The following SLC8A1 variants were observed in gnomAD, a reference collection of about 807,000 sequenced individuals.
SLC8A1 encodes the protein sodium/calcium exchanger 1.
A neutral mutation model predicts 68.3 loss-of-function variants in SLC8A1; 18 were observed. The ratio of observed to expected loss-of-function variants is 0.26; its 90% CI spans 0.18 to 0.39. The LOEUF (loss-of-function observed/expected upper bound fraction) is 0.39. SLC8A1 is among the 10% of genes least tolerant of loss of function. SLC8A1 has a pLI of 1.00. For synonymous variants in SLC8A1, 475 were observed against 415.5 expected (o/e 1.14, Z -1.74); for missense variants, 985 against 1,156.7 (o/e 0.85, Z 2.15).
chr2:40,495,337 G>A (rs541573955), intron 1 of SLC8A1, among the ~76,000 whole-genome samples: 2 of 152,088 alleles, frequency 1.3e-5, no homozygotes, highest in South Asian at 4.1e-4. Flanking sequence ...ATCTCTCTAT[G>A]CCTGAAAGCA....
At chr2:40,417,115 C>T (rs1468993996) in intron 2 of SLC8A1, among the ~76,000 whole-genome samples, 1 of 152,132 alleles carries the variant, frequency 6.6e-6, no homozygotes, top group Non-Finnish European at 1.5e-5. Flanking sequence ...TCCTATCTCT[C>T]AGTCTTGTGA....
intron 2 of SLC8A1, among the ~76,000 whole-genome samples, chr2:40,314,822 C>A (rs1318700308): frequency 6.6e-6 from 1 of 151,968 alleles, no homozygotes; most frequent in East Asian, 1.9e-4. Flanking sequence ...TTTAGAAATA[C>A]AATTAATTTC....
At chr2:40,241,373 C>T (rs2061201065) in intron 2 of SLC8A1, among the ~76,000 whole-genome samples, 2 of 152,074 alleles carry the variant, frequency 1.3e-5, no homozygotes, top group Admixed American at 6.5e-5. Context: ...GGTTGAAAAA[C>T]TACTTTATCA....
At chr2:40,367,591 C>A (rs1262823605) in intron 2 of SLC8A1, among the ~76,000 whole-genome samples, 3 of 151,900 alleles carry the variant, frequency 2.0e-5, no homozygotes, top group Non-Finnish European at 4.4e-5. Context: ...TCAAGTGAGA[C>A]AAACGTACAT....
At chr2:40,223,872 A>G (rs546190545) in intron 2 of SLC8A1, 23 of 152,250 alleles carry the variant, frequency 1.5e-4, no homozygotes, top group African/African-American at 4.6e-4. Flanking sequence ...AGAAGTGAGC[A>G]TGTTCTAATT....
intron 2 of SLC8A1, among the ~76,000 whole-genome samples, chr2:40,258,408 A>G (rs2064233826): frequency 6.6e-6 from 1 of 152,170 alleles, no homozygotes; most frequent in South Asian, 2.1e-4. Flanking sequence ...TCCTTCTCAG[A>G]TTGGTCCTAA....
At chr2:40,303,072 G>T (rs1198427878) in intron 2 of SLC8A1, among the ~76,000 whole-genome samples, 2 of 152,180 alleles carry the variant, frequency 1.3e-5, no homozygotes, top group Non-Finnish European at 2.9e-5. Context: ...CTAGCAAAAT[G>T]AATTGAATCT....
chr2:40,278,084 T>C (rs2067004285), intron 2 of SLC8A1, among the ~76,000 whole-genome samples: 1 of 152,046 alleles, frequency 6.6e-6, no homozygotes, highest in African/African-American at 2.4e-5. Flanking sequence ...TTTATAACCT[T>C]GTTTATCACA....
At chr2:40,139,784 A>G (rs1435061941) in intron 6 of SLC8A1, 108 bp from the exon 10 acceptor site, 2 of 1,089,132 alleles carry the variant, frequency 1.8e-6, no homozygotes, top group African/African-American at 3.2e-5. Flanking sequence ...CTGTGACAGG[A>G]GGCCATGAGA....
At chr2:40,300,525 G>GT (rs2071260069) in intron 2 of SLC8A1, among the ~76,000 whole-genome samples, 1 of 151,946 alleles carries the variant, frequency 6.6e-6, no homozygotes, top group Non-Finnish European at 1.5e-5. Context: ...GTGCCTCAGC[G>GT]TAAGTCTGAA....
intron 2 of SLC8A1, among the ~76,000 whole-genome samples, chr2:40,256,270 G>A (rs935071218): frequency 6.6e-6 from 1 of 152,158 alleles, no homozygotes; most frequent in Non-Finnish European, 1.5e-5. Flanking sequence ...GGGTAGGAGA[G>A]GTGTGGAATA....
At chr2:40,432,389 G>A (rs899398829) in intron 1 of SLC8A1, among the ~76,000 whole-genome samples, 1 of 126,190 alleles carries the variant, frequency 7.9e-6, no homozygotes, top group African/African-American at 3.6e-5. Flanking sequence ...AGAGGACAAG[G>A]AGAGTGTGAG....
intron 2 of SLC8A1, among the ~76,000 whole-genome samples, chr2:40,229,945 A>ATCTT: frequency 6.6e-6 from 1 of 152,318 alleles, no homozygotes; most frequent in East Asian, 1.9e-4. Flanking sequence ...GGAATCACAT[A>ATCTT]TCTTTTATGT....
At chr2:40,472,564 T>C (rs1704051497) in intron 1 of SLC8A1, among the ~76,000 whole-genome samples, 1 of 152,184 alleles carries the variant, frequency 6.6e-6, no homozygotes, top group Non-Finnish European at 1.5e-5. Context: ...AAGGGCTTAC[T>C]ATGTGCCCAG....
At chr2:40,197,850 C>T (rs990570571) in intron 2 of SLC8A1, among the ~76,000 whole-genome samples, 3 of 151,986 alleles carry the variant, frequency 2.0e-5, no homozygotes, top group Non-Finnish European at 4.4e-5. Flanking sequence ...GTGGTAGTAT[C>T]TGTGAGGTTC....
At chr2:40,420,239 T>C (rs1029708830) in intron 2 of SLC8A1, among the ~76,000 whole-genome samples, 3 of 152,134 alleles carry the variant, frequency 2.0e-5, no homozygotes, top group African/African-American at 7.2e-5. Flanking sequence ...TAATTCTTAC[T>C]ATTAACCACC....
In SLC8A1 at chr2:40,415,859, TACACACACACACACAC is replaced by T. The variant is rs70957173; in HGVS notation, c.1808+12598_1808+12613del. Among the ~76,000 whole-genome samples the T allele has an allele frequency of 2.9e-3, 333 of 113,586 alleles. 3 individuals are homozygous for T. The highest frequency in any genetic ancestry group is 0.01 in the South Asian group (31 of 2,968). 74.5% of individuals were successfully genotyped at this position (113,586 alleles called of 152,430 possible). ...TGAAACCCCATCTCTACTAAAAGTA[TACACACACACACACAC>T]ACACACACACACACACACACACACA... On this transcript the variant is annotated intron_variant, in intron 2 of 7. Transcript: ENST00000406785.
intron 2 of SLC8A1, among the ~76,000 whole-genome samples, chr2:40,235,177 C>G (rs748738099): frequency 0.12 from 18,516 of 151,666 alleles, 1,197 homozygotes; most frequent in Non-Finnish European, 0.14. Flanking sequence ...AGGAATGGTA[C>G]CAGTTCCTCC....
intron 4 of SLC8A1, among the ~76,000 whole-genome samples, chr2:40,170,036 G>C (rs1163935069): frequency 6.6e-6 from 1 of 152,220 alleles, no homozygotes; most frequent in African/African-American, 2.4e-5. Context: ...TTAAAACTCA[G>C]GAAAGAGAGG....
Sources: allele counts gnomAD v4.1 joint callset (sites outside exome capture counted in the v4.1 genomes callset), GRCh38; gene constraint gnomAD v4.1.1; transcripts MANE v1.5; gene names NCBI Gene and HGNC (gene_info 2026-07-23, HGNC 2026-07-21).